The following ZBTB20 variants were observed in gnomAD, a reference collection of about 807,000 sequenced individuals.
The protein encoded by ZBTB20 is zinc finger and BTB domain containing 20.
In ZBTB20, 9 loss-of-function variants were observed where a neutral mutation model predicts 56.9. The observed-to-expected ratio is 0.16, with a 90% confidence interval of 0.10 to 0.28. The LOEUF (loss-of-function observed/expected upper bound fraction) is 0.28. ZBTB20 is among the 10% of genes least tolerant of loss of function. ZBTB20 has a pLI of 1.00. For synonymous variants in ZBTB20, 417 were observed against 420.7 expected, an observed-to-expected ratio of 0.99 and a Z score of 0.11; for missense variants, 655 against 1,003.0, an observed-to-expected ratio of 0.65 and a Z score of 4.69.
rs1375403124 is a variant in ZBTB20 at position 114,512,668 on chromosome 3, C to G, written c.-294-12277G>C. Among the ~76,000 whole-genome samples, 7 of 152,246 alleles carry G rather than the reference C, an allele frequency of 4.6e-5. No homozygotes were observed. In the East Asian group the frequency reaches 7.7e-4, roughly 17 times the overall value. On this transcript the variant is annotated intron_variant, in intron 6 of 11. Transcript: ENST00000675478. ...AAACCCCTTCTCCACTCCCAACTAA[C>G]TTTTCTTTCTCAAACAGCCATGAAA...
chr3:115,076,953 G>A (rs1038022601), intron 1 of ZBTB20, among the ~76,000 whole-genome samples: 5 of 152,062 alleles, frequency 3.3e-5, no homozygotes, highest in South Asian at 2.1e-4. Flanking sequence ...TTCGCAATAG[G>A]GTTCACACTC....
intron 1 of ZBTB20, among the ~76,000 whole-genome samples, chr3:115,127,497 G>A (rs376824239): frequency 5.9e-5 from 9 of 152,110 alleles, no homozygotes; most frequent in African/African-American, 2.2e-4. Flanking sequence ...GGGAGGCTGA[G>A]GCACAAAAAT....
chr3:114,892,478 G>A (rs1296488592), intron 4 of ZBTB20, among the ~76,000 whole-genome samples: 1 of 152,184 alleles, frequency 6.6e-6, no homozygotes, highest in Non-Finnish European at 1.5e-5. Flanking sequence ...TCTGAATACA[G>A]AGAAGAATGA....
At chr3:115,132,870 T>A (rs566628699) in intron 1 of ZBTB20, among the ~76,000 whole-genome samples, 1 of 152,320 alleles carries the variant, frequency 6.6e-6, no homozygotes, top group South Asian at 2.1e-4. Flanking sequence ...TAAATTAAAT[T>A]GGTATATTTC....
At chr3:114,826,469 G>A (rs1183844112) in intron 4 of ZBTB20, among the ~76,000 whole-genome samples, 2 of 151,648 alleles carry the variant, frequency 1.3e-5, no homozygotes, top group African/African-American at 4.8e-5. Context: ...TGCCAACAAT[G>A]TTCCATATGC....
At chr3:114,498,918 G>A (rs1044376958) in intron 7 of ZBTB20, among the ~76,000 whole-genome samples, 5 of 152,170 alleles carry the variant, frequency 3.3e-5, no homozygotes, top group South Asian at 4.1e-4. Flanking sequence ...TGAGCCGTGC[G>A]GGCAGGAGTG....
In ZBTB20 at chr3:115,143,575, A is replaced by C. The variant is rs567659893; in HGVS notation, c.-703+3644T>G. ...TTTTTCAGATATGTTCCTAAAAACA[A>C]ATCCCAACCAAAAATTAACAGATAT... On this transcript the variant is annotated intron_variant, in intron 1 of 11. Coordinates refer to ENST00000675478, the MANE Select transcript of ZBTB20 (RefSeq NM_001348800.3). Among the ~76,000 whole-genome samples, 3 of 152,354 alleles carry C rather than the reference A, an allele frequency of 2.0e-5. No individual in the cohort carries two copies. The East Asian group carries it at 5.8e-4, about 29-fold the overall frequency.
At chr3:114,985,780 C>T (rs111654919) in intron 2 of ZBTB20, among the ~76,000 whole-genome samples, 30 of 152,158 alleles carry the variant, frequency 2.0e-4, no homozygotes, top group African/African-American at 5.8e-4. Flanking sequence ...CCTTGACAAG[C>T]GTTCTAATGC....
At chr3:115,014,153 G>C (rs112988308) in intron 2 of ZBTB20, among the ~76,000 whole-genome samples, 3 of 151,610 alleles carry the variant, frequency 2.0e-5, no homozygotes, top group Non-Finnish European at 4.4e-5. Flanking sequence ...AGTGAAATAA[G>C]CTAGGCACAG....
intron 5 of ZBTB20, among the ~76,000 whole-genome samples, chr3:114,787,360 T>TACACACACACAC (rs1354282995): frequency 3.1e-5 from 3 of 96,186 alleles, no homozygotes; most frequent in African/African-American, 1.3e-4. Context: ...TATATATATA[T>TACACACACACAC]ATATATATAC....
intron 2 of ZBTB20, among the ~76,000 whole-genome samples, chr3:115,044,069 T>C (rs564976763): frequency 6.6e-6 from 1 of 152,306 alleles, no homozygotes; most frequent in South Asian, 2.1e-4. Context: ...TAAGATTCCT[T>C]AGGCCTCCCC....
intron 1 of ZBTB20, among the ~76,000 whole-genome samples, chr3:115,078,851 C>A (rs1434035816): frequency 6.6e-6 from 1 of 151,858 alleles, no homozygotes; most frequent in Non-Finnish European, 1.5e-5. Flanking sequence ...AAGTTGAACC[C>A]TGAAATTTTG....
intron 11 of ZBTB20, among the ~76,000 whole-genome samples, chr3:114,340,953 T>C (rs1430422319): frequency 6.6e-6 from 1 of 152,186 alleles, no homozygotes; most frequent in African/African-American, 2.4e-5. Flanking sequence ...ACAATCACCA[T>C]GTATTGAGTG....
In ZBTB20 at chr3:115,016,021, A is replaced by T. The variant is rs562414704; in HGVS notation, c.-506-41605T>A. Among the ~76,000 whole-genome samples, 3 of 151,990 alleles carry T rather than the reference A, an allele frequency of 2.0e-5. No individual in the cohort carries two copies. The East Asian group carries it at 5.8e-4, about 30-fold the overall frequency. ...TTTAATAATTGCCATTCTGACTGGC[A>T]TGAGATGGTATCTCACTGTGGTTCT... On this transcript the variant is annotated intron_variant, in intron 2 of 11. Transcript: ENST00000675478.
chr3:114,351,167 G>A lies in ZBTB20; in HGVS notation c.911C>T (p.Thr304Ile). ...GCGGCAGTGCGTGGTCTCGGGGGTG[G>A]TGGACAGGTAGCGCTCCATCTGCTG... ...RSQQMERYLS[T>I]TPETTHCRKQ... The change falls in exon 11 of 12, where the codon ACC (threonine) becomes ATC (isoleucine). Residue 304 changes from threonine (T) to isoleucine (I), a missense_variant. Thr to Ile is a moderately conservative substitution (Grantham distance 89). Transcript: ENST00000675478. The A allele has an allele frequency of 6.2e-7, 1 of 1,603,152 alleles. No homozygotes were observed. Among genetic ancestry groups the A allele is most frequent in the Non-Finnish European group, 8.5e-7 (1 of 1,179,814 alleles).
intron 5 of ZBTB20, among the ~76,000 whole-genome samples, chr3:114,791,064 A>G (rs1323176961): frequency 1.3e-5 from 2 of 152,118 alleles, no homozygotes; most frequent in Admixed American, 1.3e-4. Flanking sequence ...AACTAGCCTT[A>G]TTCCATGGAA....
intron 2 of ZBTB20, among the ~76,000 whole-genome samples, chr3:115,036,550 G>A (rs1219114334): frequency 2.0e-5 from 3 of 152,162 alleles, no homozygotes; most frequent in Non-Finnish European, 4.4e-5. Flanking sequence ...GAGTAGCTGG[G>A]ACTACAGGTG....
chr3:114,964,066 CA>C (rs1385064829), intron 3 of ZBTB20, among the ~76,000 whole-genome samples: 1 of 152,106 alleles, frequency 6.6e-6, no homozygotes, highest in Non-Finnish European at 1.5e-5. Flanking sequence ...ATGAACATGA[CA>C]TACTCCCTTC....
At chr3:114,908,092 A>C (rs1272380324) in intron 3 of ZBTB20, among the ~76,000 whole-genome samples, 3 of 151,964 alleles carry the variant, frequency 2.0e-5, no homozygotes, top group Non-Finnish European at 4.4e-5. Flanking sequence ...AATAGGAAAG[A>C]GTTTCCTTTA....
Sources: allele counts gnomAD v4.1 joint callset (sites outside exome capture counted in the v4.1 genomes callset), GRCh38; gene constraint gnomAD v4.1.1; transcripts MANE v1.5; gene names NCBI Gene and HGNC (gene_info 2026-07-23, HGNC 2026-07-21).